Variants in FAM53B observed in about 807,000 individuals in gnomAD.
FAM53B encodes the protein family with sequence similarity 53 member B.
In FAM53B, 12 loss-of-function variants were observed where a neutral mutation model predicts 32.7. The observed-to-expected ratio is 0.37, with a 90% CI of 0.24 to 0.59. FAM53B has a LOEUF of 0.59. Ranked by LOEUF, FAM53B falls within the 20% of genes least tolerant of loss-of-function variation. The pLI, the probability that FAM53B is intolerant of heterozygous loss-of-function variation, is 0.72. For synonymous variants in FAM53B, 234 were observed against 228.7 expected (o/e 1.02, Z -0.21); for missense variants, 477 against 577.7 (o/e 0.83, Z 1.79).
chr10:124,622,900 T>G lies in FAM53B; in HGVS notation c.*342A>C. On this transcript the variant is annotated 3_prime_UTR_variant, in exon 5 of 5. Transcript: ENST00000337318. Reference sequence around the variant, plus strand: ...CCACCACCAGGGGGATACAGAGCGGTGCCCAGCTCTGCCGGGGACAACAGA... The same window carrying G: ...CCACCACCAGGGGGATACAGAGCGGGGCCCAGCTCTGCCGGGGACAACAGA... The G allele has an allele frequency of 4.7e-6, 1 of 213,720 alleles. No individual in the cohort carries two copies. The highest frequency in any genetic ancestry group is 2.3e-5 in the African/African-American group (1 of 42,940). 13.2% of individuals were successfully genotyped at this position (213,720 alleles called of 1,614,324 possible). A position where few individuals can be genotyped will look rare whatever the true frequency, so the allele number is the denominator to read the frequency against.
chr10:124,658,232 C>A (rs946442376), intron 4 of FAM53B, among the ~76,000 whole-genome samples: 13 of 152,228 alleles, frequency 8.5e-5, no homozygotes, highest in African/African-American at 3.1e-4. Context: ...GGATAGGGAT[C>A]CCGCTTGGCA....
chr10:124,644,182 C>T lies in FAM53B; in HGVS notation c.907-20578G>A, dbSNP rs951018181. Among the ~76,000 whole-genome samples the T allele has an allele frequency of 3.3e-5, 5 of 152,166 alleles. No homozygotes were observed. In the East Asian group the frequency reaches 5.8e-4, roughly 18 times the overall value. On this transcript the variant is annotated intron_variant, in intron 4 of 4. Coordinates refer to ENST00000337318, the MANE Select transcript of FAM53B (RefSeq NM_014661.4). ...GGCCACTTTGCAGCTATTTGTCTAC[C>T]GCCTGGTCACTTGGCCCCACCGAGC... is the stretch of plus-strand genomic sequence containing the variant.
At chr10:124,679,343 G>A (rs551276222) in intron 4 of FAM53B, among the ~76,000 whole-genome samples, 36 of 152,296 alleles carry the variant, frequency 2.4e-4, no homozygotes, top group African/African-American at 8.7e-4. Flanking sequence ...CTGGCAACAC[G>A]TTAGTCCTTG....
At chr10:124,636,989 T>C (rs1949436242) in intron 4 of FAM53B, among the ~76,000 whole-genome samples, 1 of 152,172 alleles carries the variant, frequency 6.6e-6, no homozygotes, top group East Asian at 1.9e-4. Flanking sequence ...ACAGAAGTCA[T>C]AAGGAGAAGG....
chr10:124,650,822 CGA>C (rs1273210745), intron 4 of FAM53B, among the ~76,000 whole-genome samples: 4 of 152,092 alleles, frequency 2.6e-5, no homozygotes, highest in Non-Finnish European at 5.9e-5. Context: ...CCATTTGTTT[CGA>C]GAGAGAGATG....
At chr10:124,721,447 T>G (rs947866328) in intron 1 of FAM53B, among the ~76,000 whole-genome samples, 1 of 152,254 alleles carries the variant, frequency 6.6e-6, no homozygotes, top group East Asian at 1.9e-4. Flanking sequence ...AGAGCCGCAC[T>G]GCAGGCTTCA....
intron 4 of FAM53B, among the ~76,000 whole-genome samples, chr10:124,658,239 G>A (rs1180773639): frequency 6.6e-6 from 1 of 152,208 alleles, no homozygotes; most frequent in Non-Finnish European, 1.5e-5. Context: ...GATCCCGCTT[G>A]GCAAATGCGG....
chr10:124,732,207 G>A (rs1950148132), intron 1 of FAM53B, among the ~76,000 whole-genome samples: 1 of 152,194 alleles, frequency 6.6e-6, no homozygotes, highest in South Asian at 2.1e-4. Context: ...GCTCTCGCCT[G>A]TGCCTACACT....
intron 1 of FAM53B, among the ~76,000 whole-genome samples, chr10:124,720,117 C>T (rs1449615209): frequency 6.0e-5 from 9 of 150,564 alleles, no homozygotes; most frequent in East Asian, 3.9e-4. Context: ...GAGCCGAGAT[C>T]GCGCCATTGC....
At chr10:124,656,389 T>C (rs544209471) in intron 4 of FAM53B, among the ~76,000 whole-genome samples, 1 of 152,366 alleles carries the variant, frequency 6.6e-6, no homozygotes, top group Non-Finnish European at 1.5e-5. Flanking sequence ...ATGGCCCTAA[T>C]GGAGGGCTGG....
At chr10:124,623,767 T>A (rs188165699) in intron 4 of FAM53B, 163 bp from the exon 5 acceptor site, 3 of 678,964 alleles carry the variant, frequency 4.4e-6, no homozygotes, top group Non-Finnish European at 7.2e-6. Context: ...AACGTACTCA[T>A]GAAGATGCAC....
In FAM53B at chr10:124,733,300, C is replaced by G. The variant is rs190703019; in HGVS notation, c.-175+10713G>C. 6.6e-6 allele frequency among the ~76,000 whole-genome samples: 1 copy of G among 152,192 alleles called. No homozygotes were observed. Among genetic ancestry groups the G allele is most frequent in the African/African-American group, 2.4e-5 (1 of 41,446 alleles). On this transcript the variant is annotated intron_variant, in intron 1 of 4. Transcript: ENST00000337318. The surrounding 1 kb of genome is among the most constrained non-coding windows in gnomAD (Gnocchi z 4.3). The stretch of plus-strand genomic sequence containing the variant: ...CCCAGGTCACATGCCACACAGTCAA[C>G]GGGGCCTGGAATCTGGGCTGGCATC...
chr10:124,685,932 G>A (rs1199467753), intron 3 of FAM53B, among the ~76,000 whole-genome samples: 5 of 152,110 alleles, frequency 3.3e-5, no homozygotes, highest in Admixed American at 2.6e-4. Context: ...CACTGTTTCC[G>A]GGAAAGAAGA....
At chr10:124,702,131 C>A (rs1375739843) in intron 2 of FAM53B, among the ~76,000 whole-genome samples, 2 of 152,238 alleles carry the variant, frequency 1.3e-5, no homozygotes, top group Non-Finnish European at 2.9e-5. Flanking sequence ...CCAGGGTGAG[C>A]TGCGCCTCTG....
intron 2 of FAM53B, among the ~76,000 whole-genome samples, chr10:124,697,509 G>A (rs1404412990): frequency 2.6e-5 from 4 of 152,144 alleles, no homozygotes; most frequent in Non-Finnish European, 4.4e-5. Context: ...AGGGACCTCT[G>A]CACAAGGTCA....
intron 4 of FAM53B, among the ~76,000 whole-genome samples, chr10:124,662,098 G>A (rs1402554996): frequency 2.0e-5 from 3 of 152,160 alleles, no homozygotes; most frequent in Non-Finnish European, 4.4e-5. Flanking sequence ...AGATGGGAGG[G>A]GCCTGGCACC....
intron 4 of FAM53B, among the ~76,000 whole-genome samples, chr10:124,629,029 C>T (rs1322468314): frequency 6.6e-6 from 1 of 152,252 alleles, no homozygotes; most frequent in Admixed American, 6.5e-5. Context: ...TCTAAAGCCA[C>T]AGGTAAAAGC....
intron 1 of FAM53B, among the ~76,000 whole-genome samples, chr10:124,729,344 C>T (rs987750684): frequency 4.5e-4 from 69 of 152,252 alleles, no homozygotes; most frequent in African/African-American, 1.4e-3. Flanking sequence ...GAGGGGGACA[C>T]GTAATCAAGG....
chr10:124,727,675 C>T (rs765009590), intron 1 of FAM53B, among the ~76,000 whole-genome samples: 4 of 151,970 alleles, frequency 2.6e-5, no homozygotes, highest in Non-Finnish European at 5.9e-5. Flanking sequence ...TTATCCACTC[C>T]AGGGATCTCA....
Sources: gnomAD v4.1 joint callset for allele counts (sites outside exome capture counted in the v4.1 genomes callset) on GRCh38, gnomAD v4.1.1 for gene constraint, Gnocchi (gnomAD v3.1) non-coding constraint, MANE v1.5 for transcripts, NCBI Gene and HGNC (gene_info 2026-07-23, HGNC 2026-07-21) for gene names.